TENM3: variants seen among roughly 807,000 people sequenced by gnomAD.
TENM3 encodes the protein teneurin transmembrane protein 3.
In TENM3, 63 loss-of-function variants were observed where a neutral mutation model predicts 255.1. The observed-to-expected ratio is 0.25, with a 90% confidence interval of 0.20 to 0.30. The LOEUF (loss-of-function observed/expected upper bound fraction) is 0.30, where lower values mean the gene tolerates loss of function less well. TENM3 is among the 10% of genes least tolerant of loss of function. TENM3 has a pLI of 1.00. For missense variants in TENM3, 2,929 were observed against 3,461.1 expected, an observed-to-expected ratio of 0.85 and a Z score of 3.86; for synonymous variants, 1,306 against 1,322.3, an observed-to-expected ratio of 0.99 and a Z score of 0.27.
the TENM3 span, among the ~76,000 whole-genome samples, chr4:181,684,607 G>A: frequency 6.6e-6 from 1 of 152,188 alleles, no homozygotes; most frequent in African/African-American, 2.4e-5. Context: ...CACGGATGCT[G>A]ATTCCGATGG....
intron 1 of TENM3, among the ~76,000 whole-genome samples, chr4:182,247,645 G>A (rs929912293): frequency 6.6e-6 from 1 of 152,142 alleles, no homozygotes; most frequent in African/African-American, 2.4e-5. Flanking sequence ...AAGTACCTGC[G>A]GGTGGATGCT....
the TENM3 span, chr4:181,975,015 A>G: frequency 6.6e-6 from 1 of 152,172 alleles, no homozygotes; most frequent in Non-Finnish European, 1.5e-5. Flanking sequence ...ACTTATGTGT[A>G]AGAACATGTG....
chr4:182,181,722 G>A (rs1579625940), intron 1 of TENM3, among the ~76,000 whole-genome samples: 1 of 152,084 alleles, frequency 6.6e-6, no homozygotes. Flanking sequence ...CAAGATGACT[G>A]TTTACAATAT....
chr4:182,522,026 T>C (rs1738631183), intron 3 of TENM3, among the ~76,000 whole-genome samples: 3 of 152,202 alleles, frequency 2.0e-5, no homozygotes, highest in Admixed American at 2.0e-4. Flanking sequence ...GAATGTTTCA[T>C]ACAGGAAGGG....
the TENM3 span, among the ~76,000 whole-genome samples, chr4:181,947,225 T>G: frequency 6.6e-6 from 1 of 152,214 alleles, no homozygotes; most frequent in African/African-American, 2.4e-5. Context: ...TAAATTGATA[T>G]ATATGGATGA....
chr4:182,531,026 G>A (rs1481986205), intron 3 of TENM3, among the ~76,000 whole-genome samples: 1 of 152,148 alleles, frequency 6.6e-6, no homozygotes, highest in African/African-American at 2.4e-5. Flanking sequence ...AGCAGAGTCT[G>A]GAGAGAGTGT....
the TENM3 span, among the ~76,000 whole-genome samples, chr4:181,598,463 T>C: frequency 2.6e-5 from 4 of 152,170 alleles, no homozygotes; most frequent in African/African-American, 9.6e-5. Flanking sequence ...AACCCCCAGC[T>C]AAATAGAAGA....
At chr4:181,514,896 A>G in the TENM3 span, among the ~76,000 whole-genome samples, 1 of 152,208 alleles carries the variant, frequency 6.6e-6, no homozygotes, top group Non-Finnish European at 1.5e-5. Flanking sequence ...TATTACAGCA[A>G]CACCTTGGAA....
At chr4:182,163,604 C>T (rs1561156469) in intron 1 of TENM3, among the ~76,000 whole-genome samples, 3 of 152,168 alleles carry the variant, frequency 2.0e-5, no homozygotes, top group Admixed American at 1.3e-4. Flanking sequence ...CCTCATGCTG[C>T]ACTTTTAGTT....
intron 2 of TENM3, among the ~76,000 whole-genome samples, chr4:182,343,550 G>A (rs1229558693): frequency 6.6e-6 from 1 of 152,000 alleles, no homozygotes; most frequent in Non-Finnish European, 1.5e-5. Flanking sequence ...TGGTCCCAGG[G>A]GCATCTCAGC....
chr4:182,187,936 T>C (rs1753274173), intron 1 of TENM3, among the ~76,000 whole-genome samples: 1 of 152,152 alleles, frequency 6.6e-6, no homozygotes, highest in African/African-American at 2.4e-5. Flanking sequence ...TTTAAGTGTC[T>C]ACAGCTTGTG....
chr4:181,668,276 G>A, the TENM3 span, among the ~76,000 whole-genome samples: 3 of 152,120 alleles, frequency 2.0e-5, no homozygotes, highest in Non-Finnish European at 2.9e-5. Flanking sequence ...CCTATCACTA[G>A]GCTTACTTCC....
chr4:182,085,266 G>T, the TENM3 span: 1 of 152,152 alleles, frequency 6.6e-6, no homozygotes, highest in African/African-American at 2.4e-5. Context: ...AAAAATGCCT[G>T]CTTCTCAGCA....
At chr4:182,151,694 G>A (rs6552543) in intron 1 of TENM3, among the ~76,000 whole-genome samples, 100,441 of 151,730 alleles carry the variant, frequency 0.66, 33,325 homozygotes, top group Admixed American at 0.71. Flanking sequence ...AAAAAACGAA[G>A]AAACAAAAGC....
the TENM3 span, among the ~76,000 whole-genome samples, chr4:181,869,185 A>T: frequency 6.6e-6 from 1 of 152,098 alleles, no homozygotes; most frequent in Non-Finnish European, 1.5e-5. Flanking sequence ...GTGATATTTT[A>T]TCTCATCTTA....
the TENM3 span, among the ~76,000 whole-genome samples, chr4:181,459,909 A>G: frequency 6.6e-6 from 1 of 151,942 alleles, no homozygotes; most frequent in African/African-American, 2.4e-5. Flanking sequence ...GAAAATTGAC[A>G]CATCAACGAT....
intron 3 of TENM3, among the ~76,000 whole-genome samples, chr4:182,457,936 T>G (rs976838923): frequency 3.3e-5 from 5 of 152,196 alleles, no homozygotes; most frequent in Non-Finnish European, 5.9e-5. Flanking sequence ...AGTCCTAAAT[T>G]TTGCTTTACA....
the TENM3 span, among the ~76,000 whole-genome samples, chr4:181,934,142 G>C: frequency 6.6e-6 from 1 of 151,944 alleles, no homozygotes; most frequent in African/African-American, 2.4e-5. Flanking sequence ...GCTAATTGAA[G>C]TGAAGAGTTT....
intron 3 of TENM3, among the ~76,000 whole-genome samples, chr4:182,532,037 A>G (rs1380926707): frequency 6.6e-6 from 1 of 152,206 alleles, no homozygotes. Context: ...AGCCCAAGGA[A>G]AATACAAGCA....
Sources: allele counts gnomAD v4.1 joint callset (sites outside exome capture counted in the v4.1 genomes callset), GRCh38; gene constraint gnomAD v4.1.1; transcripts MANE v1.5; gene names NCBI Gene and HGNC (gene_info 2026-07-23, HGNC 2026-07-21).